DIP2C: variants seen among roughly 807,000 people sequenced by gnomAD.
DIP2C encodes disco-interacting protein 2 homolog C.
DIP2C carries 33 observed loss-of-function variants against 192.4 expected under a neutral mutation model. That is an observed-to-expected ratio of 0.17 (90% confidence interval 0.13 to 0.23). The LOEUF (loss-of-function observed/expected upper bound fraction) is 0.23, where lower values mean the gene tolerates loss of function less well. Ranked by LOEUF, DIP2C falls within the 10% of genes least tolerant of loss-of-function variation. The pLI is 1.00. For missense variants in DIP2C, 1,537 were observed against 2,110.1 expected (o/e 0.73, Z 5.32); for synonymous variants, 979 against 864.1 (o/e 1.13, Z -2.33).
chr10:661,187 C>G (rs993792035), intron 1 of DIP2C, among the ~76,000 whole-genome samples: 8 of 152,172 alleles, frequency 5.3e-5, no homozygotes, highest in Non-Finnish European at 1.5e-5. Context: ...TGGACCGCAC[C>G]GAGTGGATGA....
At chr10:398,501 A>G (rs1273895111) in intron 10 of DIP2C, among the ~76,000 whole-genome samples, 1 of 152,214 alleles carries the variant, frequency 6.6e-6, no homozygotes, top group Non-Finnish European at 1.5e-5. Flanking sequence ...CCTAAAATGT[A>G]CGAACCCAAA....
At position 648,720 on chromosome 10, in the gene DIP2C, G is replaced by A. The variant is rs370103417; in HGVS notation, c.85+40774C>T. On this transcript the variant is annotated intron_variant, in intron 1 of 36. Transcript: ENST00000280886. ...ATTGGACGGTAGGAGAGAACAGAGCGAAACTGAGTCCACGTCCACAGTGGA... is the reference window on the plus strand; with the variant it reads ...ATTGGACGGTAGGAGAGAACAGAGCAAAACTGAGTCCACGTCCACAGTGGA... Among the ~76,000 whole-genome samples the A allele has an allele frequency of 3.8e-3, 545 of 145,006 alleles. 13 individuals are homozygous for A. Among genetic ancestry groups the A allele is most frequent in the South Asian group, 3.7e-3 (16 of 4,318 alleles).
intron 1 of DIP2C, among the ~76,000 whole-genome samples, chr10:605,314 G>A (rs1852383865): frequency 6.6e-6 from 1 of 152,194 alleles, no homozygotes; most frequent in Admixed American, 6.5e-5. Flanking sequence ...GAAATCGTGA[G>A]ACTCCAAATC....
At chr10:458,661 G>A (rs1348819969) in intron 3 of DIP2C, among the ~76,000 whole-genome samples, 1 of 151,578 alleles carries the variant, frequency 6.6e-6, no homozygotes, top group South Asian at 2.1e-4. Context: ...CAAGGAGGAT[G>A]TCCTCTACAT....
chr10:594,927 C>CT lies in DIP2C; in HGVS notation c.85+94566dup, dbSNP rs1851617793. Among the ~76,000 whole-genome samples the CT allele has an allele frequency of 2.0e-5, 3 of 152,352 alleles. No individual in the cohort carries two copies. In the South Asian group the frequency reaches 6.2e-4, roughly 32 times the overall value. ...AGCTAATTTCACTTCCCAGGACCAA[C>CT]TTCCAAGGCCTGCAAAGCCAGAGAA... On this transcript the variant is annotated intron_variant, in intron 1 of 36. Coordinates refer to ENST00000280886, the MANE Select transcript of DIP2C (RefSeq NM_014974.3).
chr10:359,052 G>T (rs1589601694), intron 22 of DIP2C, among the ~76,000 whole-genome samples: 1 of 152,138 alleles, frequency 6.6e-6, no homozygotes, highest in African/African-American at 2.4e-5. Context: ...GCAGGGCTAT[G>T]GCTAAGCAGG....
chr10:392,013 A>G (rs373731563), intron 10 of DIP2C, among the ~76,000 whole-genome samples: 10 of 152,336 alleles, frequency 6.6e-5, no homozygotes, highest in African/African-American at 1.9e-4. Context: ...GCCAACCAGC[A>G]CATGCAGGGC....
intron 6 of DIP2C, among the ~76,000 whole-genome samples, chr10:418,556 G>A (rs560637486): frequency 1.3e-5 from 2 of 152,288 alleles, no homozygotes; most frequent in South Asian, 2.1e-4. Flanking sequence ...GGGCCACAAA[G>A]AAGGAAGGAA....
At chr10:656,843 C>T (rs140242889) in intron 1 of DIP2C, among the ~76,000 whole-genome samples, 323 of 152,292 alleles carry the variant, frequency 2.1e-3, no homozygotes, top group African/African-American at 6.6e-3. Context: ...AGGGTCGATC[C>T]CAATTCTAGC....
At chr10:341,776 G>A (rs1958159311) in intron 28 of DIP2C, among the ~76,000 whole-genome samples, 1 of 152,200 alleles carries the variant, frequency 6.6e-6, no homozygotes, top group African/African-American at 2.4e-5. Flanking sequence ...CACTTCAGGA[G>A]GCCAAGGTGG....
At chr10:675,765 T>C (rs559746558) in intron 1 of DIP2C, among the ~76,000 whole-genome samples, 25 of 152,210 alleles carry the variant, frequency 1.6e-4, no homozygotes, top group African/African-American at 6.0e-4. Context: ...GTAACATGTA[T>C]GACTAAGTAA....
intron 28 of DIP2C, among the ~76,000 whole-genome samples, chr10:342,227 C>G (rs1415676760): frequency 6.6e-6 from 1 of 152,018 alleles, no homozygotes; most frequent in Non-Finnish European, 1.5e-5. Context: ...GGTGCGATCT[C>G]CGCTCACTGC....
In DIP2C at chr10:650,167, T is replaced by A. The variant is rs1432937802; in HGVS notation, c.85+39327A>T. 4 of 717,042 alleles carry A rather than the reference T, an allele frequency of 5.6e-6. No individual in the cohort carries two copies. The South Asian group carries it at 5.9e-5, about 11-fold the overall frequency. The allele number at this position is 717,042 out of a possible 1,614,324, so 44.4% of individuals were successfully genotyped here. ...CAGGAGAGAGAAGACCCCAGCAGAG[T>A]CAACACTGGAGGTCCTGCGGGGTGG... On this transcript the variant is annotated intron_variant, in intron 1 of 36. Coordinates refer to ENST00000280886, the MANE Select transcript of DIP2C (RefSeq NM_014974.3).
rs149360998 is a variant in DIP2C at position 433,971 on chromosome 10, T to A, written c.394+6900A>T. Reference sequence around the variant, plus strand: ...TTTCCTTTCTTATCATATCAGTTACTTTTTTTTAAGTGGCTGCCTTGGGAT... The same window carrying A: ...TTTCCTTTCTTATCATATCAGTTACATTTTTTTAAGTGGCTGCCTTGGGAT... On this transcript the variant is annotated intron_variant, in intron 4 of 36. Transcript: ENST00000280886. Among the ~76,000 whole-genome samples, 151 of 152,066 alleles carry A rather than the reference T, an allele frequency of 9.9e-4. 1 individual carries two copies. Among genetic ancestry groups the A allele is most frequent in the African/African-American group, 3.4e-3 (141 of 41,508 alleles).
rs12785167 is a variant in DIP2C at position 418,139 on chromosome 10, A to G, written c.739+926T>C. On this transcript the variant is annotated intron_variant, in intron 6 of 36. Coordinates refer to ENST00000280886, the MANE Select transcript of DIP2C (RefSeq NM_014974.3). Reference sequence around the variant, plus strand: ...GGAGCTCGGATAGGCCTCCCTGTCCACCTGCACCTGTCAGAGCTCGGACAG... The same window carrying G: ...GGAGCTCGGATAGGCCTCCCTGTCCGCCTGCACCTGTCAGAGCTCGGACAG... Among the ~76,000 whole-genome samples, 18 of 10,764 alleles carry G rather than the reference A, an allele frequency of 1.7e-3. 2 individuals are homozygous for G. Among genetic ancestry groups the G allele is most frequent in the Admixed American group, 2.2e-3 (2 of 918 alleles). The allele number at this position is 10,764 out of a possible 152,430, so 7.1% of individuals were successfully genotyped here.
At chr10:612,428 T>G (rs1436344319) in intron 1 of DIP2C, among the ~76,000 whole-genome samples, 1 of 152,212 alleles carries the variant, frequency 6.6e-6, no homozygotes, top group Non-Finnish European at 1.5e-5. Flanking sequence ...GATATGAAGA[T>G]GGAAAGAAGT....
intron 1 of DIP2C, among the ~76,000 whole-genome samples, chr10:573,519 T>TAGAG (rs1378895156): frequency 2.6e-5 from 4 of 152,036 alleles, no homozygotes; most frequent in Non-Finnish European, 4.4e-5. Flanking sequence ...AGCGATTCTC[T>TAGAG]TACTTCAGCC....
intron 24 of DIP2C, among the ~76,000 whole-genome samples, chr10:349,777 C>G (rs375410269): frequency 6.6e-6 from 1 of 152,018 alleles, no homozygotes; most frequent in Non-Finnish European, 1.5e-5. Context: ...AACAAAAAAC[C>G]CTGGCAATTC....
chr10:445,155 G>C (rs928070503), intron 3 of DIP2C, among the ~76,000 whole-genome samples: 2 of 152,198 alleles, frequency 1.3e-5, no homozygotes, highest in African/African-American at 4.8e-5. Context: ...CCTGGTGAGC[G>C]CCTTTCATGG....
Sources: gnomAD v4.1 joint callset for allele counts (sites outside exome capture counted in the v4.1 genomes callset) on GRCh38, gnomAD v4.1.1 for gene constraint, MANE v1.5 for transcripts, NCBI Gene and HGNC (gene_info 2026-07-23, HGNC 2026-07-21) for gene names.